The following CRPPA variants were observed in gnomAD, a reference collection of about 807,000 sequenced individuals.
The protein encoded by CRPPA is CDP-L-ribitol pyrophosphorylase A, also known as D-ribitol-5-phosphate cytidylyltransferase.
Under a neutral mutation model 52.0 loss-of-function variants are expected in CRPPA, and 43 were observed. The ratio of observed to expected loss-of-function variants is 0.83; its 90% CI spans 0.65 to 1.07. CRPPA has a LOEUF of 1.07. Among genes scored for constraint, CRPPA ranks in the 50% least tolerant of loss-of-function variants. CRPPA has a pLI of 0.00. For synonymous variants in CRPPA, 250 were observed against 203.5 expected (o/e 1.23, Z -1.94); for missense variants, 629 against 551.7 (o/e 1.14, Z -1.40).
chr7:16,099,721 C>G (rs1306348576), intron 9 of CRPPA, among the ~76,000 whole-genome samples: 1 of 152,050 alleles, frequency 6.6e-6, no homozygotes, highest in Non-Finnish European at 1.5e-5. Context: ...TTATTGCATC[C>G]AATATTTCTA....
intron 4 of CRPPA, among the ~76,000 whole-genome samples, chr7:16,304,441 G>A (rs1232044047): frequency 1.3e-5 from 2 of 152,072 alleles, no homozygotes; most frequent in South Asian, 2.1e-4. Flanking sequence ...ACAAAATACA[G>A]ACCAGCCTGG....
intron 4 of CRPPA, among the ~76,000 whole-genome samples, chr7:16,305,892 C>A (rs184892122): frequency 3.0e-4 from 45 of 152,158 alleles, no homozygotes; most frequent in Admixed American, 2.9e-3. Context: ...AACAAACAAA[C>A]AAAAAAATTT....
chr7:16,286,381 T>C (rs1337283068), intron 5 of CRPPA, among the ~76,000 whole-genome samples: 1 of 151,926 alleles, frequency 6.6e-6, no homozygotes, highest in Non-Finnish European at 1.5e-5. Context: ...CATAAGTTCA[T>C]GAGCCAAATG....
At chr7:16,152,993 T>G (rs1018148898) in intron 9 of CRPPA, among the ~76,000 whole-genome samples, 1 of 152,050 alleles carries the variant, frequency 6.6e-6, no homozygotes, top group Non-Finnish European at 1.5e-5. Flanking sequence ...CATATTATGA[T>G]TAGCCTAACT....
At chr7:16,239,559 C>CAAAAAAAAAAAAAAAAAAAAAAAAA (rs751232682) in intron 8 of CRPPA, among the ~76,000 whole-genome samples, 4 of 47,632 alleles carry the variant, frequency 8.4e-5, no homozygotes, top group Admixed American at 2.7e-4. Flanking sequence ...AAGTCAATAG[C>CAAAAAAAAAAAAAAAAAAAAAAAAA]AAAAAAAAAA....
intron 9 of CRPPA, among the ~76,000 whole-genome samples, chr7:16,093,865 T>A (rs927198571): frequency 7.2e-5 from 11 of 152,168 alleles, no homozygotes; most frequent in African/African-American, 2.4e-4. Context: ...CATCTATTCC[T>A]AAGTCTCATT....
chr7:16,312,977 T>C (rs1583511285), intron 3 of CRPPA, among the ~76,000 whole-genome samples: 1 of 151,950 alleles, frequency 6.6e-6, no homozygotes, highest in African/African-American at 2.4e-5. Context: ...CTTGGTGATA[T>C]TTTGATAAGG....
intron 9 of CRPPA, among the ~76,000 whole-genome samples, chr7:16,209,577 T>C (rs1782076443): frequency 6.6e-6 from 1 of 152,124 alleles, no homozygotes; most frequent in Non-Finnish European, 1.5e-5. Flanking sequence ...CAGCCCTAAG[T>C]GTCATCTTTT....
intron 1 of CRPPA, among the ~76,000 whole-genome samples, chr7:16,410,659 G>C (rs1453678829): frequency 2.0e-5 from 3 of 152,102 alleles, no homozygotes; most frequent in African/African-American, 7.2e-5. Context: ...TTCAAGACCT[G>C]ACCTCAGCCT....
intron 2 of CRPPA, among the ~76,000 whole-genome samples, chr7:16,401,443 G>A (rs1408014088): frequency 6.6e-6 from 1 of 152,206 alleles, no homozygotes; most frequent in African/African-American, 2.4e-5. Flanking sequence ...GGTGAGAAGT[G>A]TGTAAGAAGT....
At chr7:16,193,546 A>C (rs1053208073) in intron 9 of CRPPA, among the ~76,000 whole-genome samples, 1 of 152,144 alleles carries the variant, frequency 6.6e-6, no homozygotes, top group Admixed American at 6.6e-5. Context: ...AGTTTAAAAA[A>C]TATAAATATT....
intron 6 of CRPPA, among the ~76,000 whole-genome samples, chr7:16,265,365 C>A (rs1255834088): frequency 2.0e-5 from 3 of 152,208 alleles, no homozygotes; most frequent in African/African-American, 7.2e-5. Flanking sequence ...TCTCTTATCA[C>A]ACAAGGAAAA....
At chr7:16,404,383 A>G (rs77986564) in intron 2 of CRPPA, among the ~76,000 whole-genome samples, 4,920 of 152,270 alleles carry the variant, frequency 0.032, 156 homozygotes, top group African/African-American at 0.077. Flanking sequence ...AGTAACTGCT[A>G]TGTATTTTAA....
At chr7:16,252,982 G>C (rs1317859434) in intron 8 of CRPPA, among the ~76,000 whole-genome samples, 1 of 152,086 alleles carries the variant, frequency 6.6e-6, no homozygotes, top group African/African-American at 2.4e-5. Flanking sequence ...GCTTCTATTT[G>C]ATTCTTCTCT....
intron 5 of CRPPA, among the ~76,000 whole-genome samples, chr7:16,286,952 C>A (rs1467842821): frequency 6.6e-6 from 1 of 152,106 alleles, no homozygotes; most frequent in African/African-American, 2.4e-5. Context: ...GCATTATGCA[C>A]CAAAAGAGCC....
chr7:16,348,982 G>A (rs914045058), intron 3 of CRPPA, among the ~76,000 whole-genome samples: 1 of 152,178 alleles, frequency 6.6e-6, no homozygotes, highest in South Asian at 2.1e-4. Flanking sequence ...CATATAACAG[G>A]ACCCCTTCCA....
At position 16,131,933 on chromosome 7, in the gene CRPPA, G is replaced by T. The variant is rs546125990; in HGVS notation, c.1252-40134C>A. Among the ~76,000 whole-genome samples the T allele has an allele frequency of 2.0e-5, 3 of 152,268 alleles. No homozygotes were observed. The South Asian group carries it at 6.2e-4, about 32-fold the overall frequency. ...CTTCAGGCTTGGGATCCCACCCATG[G>T]AGAGTCACGGTATAGGACCGAAGCC... On this transcript the variant is annotated intron_variant, in intron 9 of 9. Transcript: ENST00000407010.
At chr7:16,119,330 T>C (rs1050943109) in intron 9 of CRPPA, among the ~76,000 whole-genome samples, 2 of 151,906 alleles carry the variant, frequency 1.3e-5, no homozygotes, top group African/African-American at 4.8e-5. Context: ...ACACATCTCA[T>C]TGGTAGACCA....
At chr7:16,318,966 T>A (rs905218703) in intron 3 of CRPPA, among the ~76,000 whole-genome samples, 3 of 152,184 alleles carry the variant, frequency 2.0e-5, no homozygotes, top group African/African-American at 7.2e-5. Context: ...GACTTTTCCA[T>A]CTTGGCTATC....
Sources: allele counts gnomAD v4.1 joint callset (sites outside exome capture counted in the v4.1 genomes callset), GRCh38; gene constraint gnomAD v4.1.1; transcripts MANE v1.5; gene names NCBI Gene and HGNC (gene_info 2026-07-23, HGNC 2026-07-21).